Variants in SERPINB7 observed in about 807,000 individuals in gnomAD.
SERPINB7 encodes the protein serpin family B member 7.
SERPINB7 carries 31 observed loss-of-function variants against 37.4 expected under a neutral mutation model. The ratio of observed to expected loss-of-function variants is 0.83; its 90% CI spans 0.62 to 1.12. The LOEUF (loss-of-function observed/expected upper bound fraction) is 1.12. Ranked by LOEUF, SERPINB7 falls within the 50% of genes most tolerant of loss-of-function variation. The probability of loss-of-function intolerance (pLI) is 0.00; values close to 1 mark genes in which losing one functional copy is unlikely to be tolerated. For missense variants in SERPINB7, 521 were observed against 455.3 expected (o/e 1.14, Z -1.31); for synonymous variants, 163 against 166.1 (o/e 0.98, Z 0.14).
chr18:63,802,334 C>T (rs1357966941), intron 7 of SERPINB7, among the ~76,000 whole-genome samples: 1 of 152,146 alleles, frequency 6.6e-6, no homozygotes, highest in Non-Finnish European at 1.5e-5. Context: ...TTCTGCTTTT[C>T]CTCCTCCTGA....
rs77085524 is a variant in SERPINB7 at position 63,787,163 on chromosome 18, A to G, written c.168+4623A>G. Reference sequence around the variant, plus strand: ...ACACATCACATGAGGTCACATATGGAATTTTCTACTTGCGTCATGTTGATG... The same window carrying G: ...ACACATCACATGAGGTCACATATGGGATTTTCTACTTGCGTCATGTTGATG... On this transcript the variant is annotated intron_variant, in intron 2 of 7. Transcript: ENST00000398019. Among the ~76,000 whole-genome samples the G allele has an allele frequency of 5.6e-3, 854 of 152,290 alleles. 3 individuals are homozygous for G. The highest frequency in any genetic ancestry group is 0.014 in the Middle Eastern group (4 of 294).
At chr18:63,791,549 C>T (rs966283449) in intron 2 of SERPINB7, among the ~76,000 whole-genome samples, 2 of 152,132 alleles carry the variant, frequency 1.3e-5, no homozygotes, top group African/African-American at 2.4e-5. Context: ...ATTATAGCTG[C>T]CCAGTCACTT....
At position 63,775,466 on chromosome 18, in the gene SERPINB7, C is replaced by G. The variant is rs536500154; in HGVS notation, c.-269C>G. ...GAGTGCAGGCTGCACCTTTGGACAGCCTTTAAAACTGAATTCTCAGAATTT... is the reference window on the plus strand; with the variant it reads ...GAGTGCAGGCTGCACCTTTGGACAGGCTTTAAAACTGAATTCTCAGAATTT... On this transcript the variant is annotated 5_prime_UTR_variant, in exon 1 of 8. Coordinates refer to ENST00000398019, the MANE Select transcript of SERPINB7 (RefSeq NM_003784.4). 6.6e-6 allele frequency: 1 copy of G among 152,136 alleles called. No homozygotes were observed. The highest frequency in any genetic ancestry group is 1.5e-5 in the Non-Finnish European group (1 of 68,010). The allele number at this position is 152,136 out of a possible 1,614,324, so 9.4% of individuals were successfully genotyped here. A position where few individuals can be genotyped will look rare whatever the true frequency, so the allele number is the denominator to read the frequency against.
chr18:63,758,903 G>GA (rs1568198655), intron 1 of SERPINB7, among the ~76,000 whole-genome samples: 12 of 152,212 alleles, frequency 7.9e-5, no homozygotes, highest in Non-Finnish European at 8.8e-5. Context: ...GGGTCCAAGA[G>GA]TTTTCATATT....
intron 1 of SERPINB7, among the ~76,000 whole-genome samples, chr18:63,776,456 A>T (rs1470472215): frequency 6.6e-6 from 1 of 151,546 alleles, no homozygotes. Context: ...TGCCTGATTT[A>T]TTTGCCTTCT....
At chr18:63,781,503 TG>T (rs1397344511) in intron 1 of SERPINB7, among the ~76,000 whole-genome samples, 1 of 152,234 alleles carries the variant, frequency 6.6e-6, no homozygotes, top group Non-Finnish European at 1.5e-5. Flanking sequence ...GGAGAATTCA[TG>T]TAAGTTCATG....
In SERPINB7 at chr18:63,769,133, G is replaced by T. The variant is rs899693762; in HGVS notation, c.-18-13222G>T. Among the ~76,000 whole-genome samples, 6 of 152,204 alleles carry T rather than the reference G, an allele frequency of 3.9e-5. No homozygotes were observed. In the East Asian group the frequency reaches 1.2e-3, roughly 29 times the overall value. ...AAATAACTTGGAGTTACAACTCAAT[G>T]ACATAATGTTAGATGTTTTATTGGT... On this transcript the variant is annotated intron_variant, in intron 1 of 7. Coordinates refer to the SERPINB7 transcript ENST00000336429.
chr18:63,795,484 C>A (rs975152805), intron 4 of SERPINB7, among the ~76,000 whole-genome samples: 6 of 151,666 alleles, frequency 4.0e-5, no homozygotes, highest in African/African-American at 1.5e-4. Context: ...TCACTTGAAC[C>A]CAGGAGGCAG....
chr18:63,786,402 C>CAT (rs923815219), intron 2 of SERPINB7, among the ~76,000 whole-genome samples: 1 of 151,098 alleles, frequency 6.6e-6, no homozygotes, highest in African/African-American at 2.4e-5. Context: ...TACACACACG[C>CAT]ATATATATAT....
In SERPINB7 at chr18:63,782,410, TCAACCTGTTCAGAG is replaced by T. The variant is rs762448462; in HGVS notation, c.39_52del (p.Phe13LeufsTer4). ...GCTGCAGCAAATGCAGAGTTTTGCT[TCAACCTGTTCAGAG>T]AGATGGATGACAATCAAGGAAATGG... is the stretch of plus-strand genomic sequence containing the variant. On this transcript the variant is annotated frameshift_variant, in exon 2 of 8. Coordinates refer to ENST00000398019, the MANE Select transcript of SERPINB7 (RefSeq NM_003784.4). LOFTEE classifies it high-confidence loss of function. 2 of 1,613,890 alleles carry T rather than the reference TCAACCTGTTCAGAG, an allele frequency of 1.2e-6. No individual in the cohort carries two copies. The highest frequency in any genetic ancestry group is 1.3e-5 in the African/African-American group (1 of 74,946).
chr18:63,761,994 T>C (rs17708269), intron 1 of SERPINB7, among the ~76,000 whole-genome samples: 5,405 of 152,326 alleles, frequency 0.035, 159 homozygotes, highest in African/African-American at 0.075. Flanking sequence ...GAAAACAGTT[T>C]CTAATTCTTC....
chr18:63,784,016 G>T (rs1187288962), intron 2 of SERPINB7, among the ~76,000 whole-genome samples: 1 of 152,096 alleles, frequency 6.6e-6, no homozygotes, highest in Non-Finnish European at 1.5e-5. Context: ...TAGTACATAG[G>T]ATACAACACT....
intron 4 of SERPINB7, among the ~76,000 whole-genome samples, chr18:63,795,792 G>C (rs1469400474): frequency 6.6e-6 from 1 of 152,150 alleles, no homozygotes; most frequent in Non-Finnish European, 1.5e-5. Flanking sequence ...AGTATCGTGG[G>C]ACAGCAGAGT....
intron 1 of SERPINB7, among the ~76,000 whole-genome samples, chr18:63,756,002 CAAAT>C (rs1165359312): frequency 4.6e-5 from 7 of 151,578 alleles, no homozygotes. Context: ...ACGGTGGAAA[CAAAT>C]AGTAACAATG....
chr18:63,798,670 C>T lies in SERPINB7; in HGVS notation c.521C>T (p.Ala174Val). Residue 174 changes from alanine (A) to valine (V), a missense_variant, in exon 6 of 8, where the codon GCT (alanine) becomes GTT (valine). Coordinates refer to ENST00000398019, the MANE Select transcript of SERPINB7 (RefSeq NM_003784.4). ...TCTGCTGTAATGGTGCTGGTGAATG[C>T]TGTGTACTTCAAAGGCAAGTGGCAA... ...SSSAVMVLVN[A>V]VYFKGKWQSA... The T allele has an allele frequency of 6.2e-7, 1 of 1,612,440 alleles. No homozygotes were observed. The highest frequency in any genetic ancestry group is 1.3e-5 in the African/African-American group (1 of 74,860).
intron 1 of SERPINB7, among the ~76,000 whole-genome samples, chr18:63,766,101 CT>C (rs1016963131): frequency 6.6e-6 from 1 of 152,104 alleles, no homozygotes; most frequent in East Asian, 1.9e-4. Flanking sequence ...CACCTAACAA[CT>C]GTGTAACTCC....
chr18:63,794,738 G>A (rs1418856399), intron 4 of SERPINB7, among the ~76,000 whole-genome samples: 2 of 152,018 alleles, frequency 1.3e-5, no homozygotes, highest in East Asian at 1.9e-4. Flanking sequence ...AATACTCTTT[G>A]TGTCAAAGTG....
chr18:63,767,675 A>AT (rs1361502743), intron 1 of SERPINB7, among the ~76,000 whole-genome samples: 13 of 151,762 alleles, frequency 8.6e-5, no homozygotes, highest in African/African-American at 2.9e-4. Context: ...TTTATTCTGG[A>AT]TTTTCCAGCT....
intron 2 of SERPINB7, among the ~76,000 whole-genome samples, chr18:63,784,012 A>G (rs1464837168): frequency 1.3e-5 from 2 of 152,114 alleles, no homozygotes; most frequent in African/African-American, 4.8e-5. Flanking sequence ...AACCTAGTAC[A>G]TAGGATACAA....
Sources: gnomAD v4.1 joint callset for allele counts (sites outside exome capture counted in the v4.1 genomes callset) on GRCh38, gnomAD v4.1.1 for gene constraint, MANE v1.5 for transcripts, NCBI Gene and HGNC (gene_info 2026-07-23, HGNC 2026-07-21) for gene names.